Variants in PLXNB1 observed in about 807,000 individuals in gnomAD.
The protein encoded by PLXNB1 is plexin-B1.
PLXNB1 carries 106 observed loss-of-function variants against 209.4 expected under a neutral mutation model. The observed-to-expected ratio is 0.51, with a 90% CI of 0.43 to 0.59. PLXNB1 has a LOEUF of 0.59. PLXNB1 is among the 20% of genes least tolerant of loss of function. The pLI is 0.00. For missense variants in PLXNB1, 2,357 were observed against 2,853.2 expected (o/e 0.83, Z 3.96); for synonymous variants, 1,167 against 1,183.2 (o/e 0.99, Z 0.28).
In PLXNB1 at chr3:48,424,520, T is replaced by C. The variant is rs559719918; in HGVS notation, c.92A>G (p.Asn31Ser). 15 of 1,599,092 alleles carry C rather than the reference T, an allele frequency of 9.4e-6. No individual in the cohort carries two copies. The highest frequency in any genetic ancestry group is 9.0e-5 in the South Asian group (8 of 88,548). ...TGCCAGGTGCTGCAGATACGTGCCA[T>C]TGGGAGTGAATGCAGTTGGTGGAAG... ...QPLPPTAFTP[N>S]GTYLQHLARD... The change falls in exon 3 of 38, where the codon AAT becomes AGT. Residue 31 changes from asparagine (N) to serine (S), a missense_variant. Asn to Ser is a conservative substitution (Grantham distance 46). Around this residue, in one of 7 missense-constraint regions of PLXNB1, gnomAD observed 107 missense variants for 167.2 expected, o/e 0.64. Coordinates refer to ENST00000296440, the MANE Select transcript of PLXNB1 (RefSeq NM_001130082.3).
chr3:48,406,797 A>AGGACT lies in PLXNB1; in HGVS notation c.6228+25_6228+26insAGTCC. On this transcript the variant is annotated intron_variant, in intron 36 of 37. Transcript: ENST00000296440. This position sits in a 1 kb window ranked among gnomAD's most constrained non-coding sequence, Gnocchi z 4.4. ...CGTTGTGGCAGGAGGCCTATGCCCA[A>AGGACT]CCCAAGAAGCAGAGGGAGGCCTTAC... 1.3e-6 allele frequency: 2 copies of AGGACT among 1,577,256 alleles called. No individual in the cohort carries two copies. The highest frequency in any genetic ancestry group is 8.6e-7 in the Non-Finnish European group (1 of 1,161,870).
At position 48,406,656 on chromosome 3, in the gene PLXNB1, T is replaced by C. The variant is rs2037330589; in HGVS notation, c.6228+167A>G. ...TGTGATGAGATGGTGGGAGCCCTGG[T>C]CTTTCAGTGGCAGTTGGAACATTCT... is the stretch of plus-strand genomic sequence containing the variant. On this transcript the variant is annotated intron_variant, in intron 36 of 37. Coordinates refer to ENST00000296440, the MANE Select transcript of PLXNB1 (RefSeq NM_001130082.3). The surrounding 1 kb of genome is among the most constrained non-coding windows in gnomAD (Gnocchi z 4.4). 2 of 1,424,530 alleles carry C rather than the reference T, an allele frequency of 1.4e-6. No individual in the cohort carries two copies. Among genetic ancestry groups the C allele is most frequent in the Non-Finnish European group, 1.8e-6 (2 of 1,091,500 alleles). The allele number at this position is 1,424,530 out of a possible 1,614,324, so 88.2% of individuals were successfully genotyped here.
chr3:48,427,329 T>C (rs1176180781), intron 1 of PLXNB1, among the ~76,000 whole-genome samples: 4 of 152,164 alleles, frequency 2.6e-5, no homozygotes. Flanking sequence ...GCAGTCTCCC[T>C]GTGAATCAGG....
intron 1 of PLXNB1, among the ~76,000 whole-genome samples, chr3:48,427,546 T>C (rs2107034264): frequency 6.6e-6 from 1 of 151,408 alleles, no homozygotes; most frequent in Admixed American, 6.6e-5. Flanking sequence ...AGTACACCCC[T>C]CCCCCAAGAG....
rs1052017736 is a variant in PLXNB1, at chr3:48,422,638, G to A, written c.1290+127C>T. 4.0e-6 allele frequency: 5 copies of A among 1,244,252 alleles called. No homozygotes were observed. In the African/African-American group the frequency reaches 6.0e-5, roughly 15 times the overall value. 77.1% of individuals were successfully genotyped at this position (1,244,252 alleles called of 1,614,324 possible). A position where few individuals can be genotyped will look rare whatever the true frequency, so the allele number is the denominator to read the frequency against. ...TCACAGGTAAACACCACCCAGTCCT[G>A]GGGAGAGGAGCTCAGGTCATCTCTC... On this transcript the variant is annotated intron_variant, in intron 4 of 37. Coordinates refer to ENST00000296440, the MANE Select transcript of PLXNB1 (RefSeq NM_001130082.3).
In PLXNB1 at chr3:48,415,100, T is replaced by C. The variant is rs745958152; in HGVS notation, c.3967-59A>G. 106 of 1,606,952 alleles carry C rather than the reference T, an allele frequency of 6.6e-5. No homozygotes were observed. The Middle Eastern group carries it at 8.3e-4, about 13-fold the overall frequency. ...AAGCAAAGATGGGAAGAGCCTCCTC[T>C]GGCACCTGCTCTGGCTGTCCCCAGG... On this transcript the variant is annotated intron_variant, in intron 20 of 37. Coordinates refer to ENST00000296440, the MANE Select transcript of PLXNB1 (RefSeq NM_001130082.3). This position sits in a 1 kb window ranked among gnomAD's most constrained non-coding sequence, Gnocchi z 5.0.
At position 48,405,883 on chromosome 3, in the gene PLXNB1, G is replaced by T; in HGVS notation, c.6229-85C>A. On this transcript the variant is annotated intron_variant, in intron 36 of 37. Transcript: ENST00000296440. This position sits in a 1 kb window ranked among gnomAD's most constrained non-coding sequence, Gnocchi z 5.0. ...CAGCCCAGGACCCCAGGGAAGGGCTGGGGGAGAAGGGGACCTGAGAGGTAG... is the reference window on the plus strand; with the variant it reads ...CAGCCCAGGACCCCAGGGAAGGGCTTGGGGAGAAGGGGACCTGAGAGGTAG... 3.0e-6 allele frequency: 3 copies of T among 1,015,878 alleles called. No homozygotes were observed. Among genetic ancestry groups the T allele is most frequent in the Non-Finnish European group, 4.6e-6 (3 of 654,734 alleles). 62.9% of individuals were successfully genotyped at this position (1,015,878 alleles called of 1,614,324 possible).
At position 48,423,792 on chromosome 3, in the gene PLXNB1, C is replaced by T. The variant is rs1446885932; in HGVS notation, c.820G>A (p.Gly274Arg). 1.2e-6 allele frequency: 2 copies of T among 1,614,016 alleles called. No homozygotes were observed. Among genetic ancestry groups the T allele is most frequent in the East Asian group, 2.2e-5 (1 of 44,882 alleles). ...GCCACAGCTGCAGCCTGGATCAGCC[C>T]GTAGCGGCCACCTTCGCAGGCCAGA... Reference protein sequence around the residue: ...LPLACEGGRYGLIQAAAVATS... With the variant: ...LPLACEGGRYRLIQAAAVATS... Residue 274 changes from glycine to arginine, a missense_variant, in exon 3 of 38, where the codon GGG (glycine) becomes AGG (arginine). Around this residue, in one of 7 missense-constraint regions of PLXNB1, gnomAD observed 404 missense variants for 443.6 expected, o/e 0.91. Transcript: ENST00000296440.
Position 48,411,168 on chromosome 3 carries a change from G to T in PLXNB1, c.5248-132C>A, listed in dbSNP as rs539161824. On this transcript the variant is annotated intron_variant, in intron 28 of 37. Transcript: ENST00000296440. This position sits in a 1 kb window ranked among gnomAD's most constrained non-coding sequence, Gnocchi z 4.0. ...ACGCACCACACAATCCCTAATTCTC[G>T]TCTCTTCACCTGCCTGCCTTCCCCA... The T allele has an allele frequency of 1.1e-5, 8 of 745,722 alleles. No homozygotes were observed. Among genetic ancestry groups the T allele is most frequent in the Non-Finnish European group, 1.7e-5 (8 of 470,926 alleles). 46.2% of individuals were successfully genotyped at this position (745,722 alleles called of 1,614,324 possible).
rs765797782 is a variant in PLXNB1, at chr3:48,419,612, C to T, written c.2674G>A (p.Asp892Asn). ...AGCCCGGGGGTGTCATACTGGTAGT[C>T]GAGGCTGGACGGGAGGATGAGGGGG... is the stretch of plus-strand genomic sequence containing the variant. ...PAPLILPSSL[D>N]YQYDTPGLWE... The change falls in exon 11 of 38, where the codon GAC (aspartate) becomes AAC (asparagine). Residue 892 changes from aspartate to asparagine, a missense_variant. Asp to Asn is a conservative substitution (Grantham distance 23). This residue lies in a region of PLXNB1 where 410 missense variants were observed against 401.0 expected (regional missense o/e 1.02). Transcript: ENST00000296440. This position sits in a 1 kb window ranked among gnomAD's most constrained non-coding sequence, Gnocchi z 5.7. 4.3e-6 allele frequency: 7 copies of T among 1,611,786 alleles called. No individual in the cohort carries two copies. Among genetic ancestry groups the T allele is most frequent in the South Asian group, 3.3e-5 (3 of 91,036 alleles).
Position 48,424,176 on chromosome 3 carries a change from T to G in PLXNB1, c.436A>C (p.Asn146His). The change falls in exon 3 of 38, where the codon AAT (asparagine) becomes CAT (histidine). Residue 146 changes from asparagine to histidine, a missense_variant. Asn to His is a moderately conservative substitution (Grantham distance 68, BLOSUM62 1). Transcript: ENST00000296440. ...RPGDTQYVAA[N>H]DPAVSTVGLV... is the part of the protein sequence containing the mutation. ...CCCACCGTGCTGACCGCAGGATCAT[T>G]GGCAGCCACATATTGTGTGTCCCCA... 1.3e-6 allele frequency: 2 copies of G among 1,584,736 alleles called. No individual in the cohort carries two copies. Among genetic ancestry groups the G allele is most frequent in the Non-Finnish European group, 1.7e-6 (2 of 1,164,528 alleles).
chr3:48,416,477 G>T lies in PLXNB1; in HGVS notation c.3375-26C>A. Reference sequence around the variant, plus strand: ...CTGTAGGCACAGGGCAGGCTAGGGGGTGCCAGGCTGCATCAAGGGCCCCTC... The same window carrying T: ...CTGTAGGCACAGGGCAGGCTAGGGGTTGCCAGGCTGCATCAAGGGCCCCTC... On this transcript the variant is annotated intron_variant, in intron 16 of 37. Transcript: ENST00000296440. The surrounding 1 kb of genome is among the most constrained non-coding windows in gnomAD (Gnocchi z 4.1). 1 of 1,527,810 alleles carries T rather than the reference G, an allele frequency of 6.5e-7. No individual in the cohort carries two copies. Among genetic ancestry groups the T allele is most frequent in the South Asian group, 1.2e-5 (1 of 86,858 alleles). 94.6% of individuals were successfully genotyped at this position (1,527,810 alleles called of 1,614,324 possible).
chr3:48,421,022 T>A (rs1209900478), intron 8 of PLXNB1, 66 bp from the exon 9 acceptor site: 2 of 1,408,408 alleles, frequency 1.4e-6, no homozygotes, highest in Non-Finnish European at 2.0e-6. Flanking sequence ...AGAGCCGATA[T>A]CCTGAGCCCT....
Position 48,418,368 on chromosome 3 carries a change from G to A in PLXNB1, c.3050-5C>T. 6.2e-7 allele frequency: 1 copy of A among 1,613,658 alleles called. No individual in the cohort carries two copies. Among genetic ancestry groups the A allele is most frequent in the Non-Finnish European group, 8.5e-7 (1 of 1,180,012 alleles). Reference sequence around the variant, plus strand: ...CGGAACAGTCATACAGTACCACTGGGGGTGGCAGAGACACACGTGAGAGGC... The same window carrying A: ...CGGAACAGTCATACAGTACCACTGGAGGTGGCAGAGACACACGTGAGAGGC... On this transcript the variant is annotated splice_polypyrimidine_tract_variant and splice_region_variant and intron_variant, in intron 14 of 37. Coordinates refer to ENST00000296440, the MANE Select transcript of PLXNB1 (RefSeq NM_001130082.3). This position sits in a 1 kb window ranked among gnomAD's most constrained non-coding sequence, Gnocchi z 6.6.
chr3:48,412,998 C>G (rs1215549231), intron 24 of PLXNB1, 39 bp from the exon 25 acceptor site: 2 of 1,608,320 alleles, frequency 1.2e-6, no homozygotes, highest in South Asian at 1.1e-5. Flanking sequence ...ACCTGTTAAG[C>G]ACCAATCCCG....
At position 48,410,232 on chromosome 3, in the gene PLXNB1, C is replaced by A. The variant is rs2037582648; in HGVS notation, c.5605+64G>T. 3 of 1,489,130 alleles carry A rather than the reference C, an allele frequency of 2.0e-6. No homozygotes were observed. The highest frequency in any genetic ancestry group is 2.7e-6 in the Non-Finnish European group (3 of 1,092,472). The allele number at this position is 1,489,130 out of a possible 1,614,324, so 92.2% of individuals were successfully genotyped here. On this transcript the variant is annotated intron_variant, in intron 31 of 37. Coordinates refer to ENST00000296440, the MANE Select transcript of PLXNB1 (RefSeq NM_001130082.3). The surrounding 1 kb of genome is among the most constrained non-coding windows in gnomAD (Gnocchi z 6.4). ...CAAGCCTGCCCTGAGGCCCAGAGGA[C>A]CTTCCCCATGACTCCGGGCTGGGCA...
In PLXNB1 at chr3:48,415,234, C is replaced by T. The variant is rs2037998704; in HGVS notation, c.3908G>A (p.Arg1303Lys). ...MLQPSQGLGRRRRVVPETACS... is the reference protein window; with the variant it reads ...MLQPSQGLGRKRRVVPETACS... ...TGCCGTCTCCGGGACCACGCGACGCCTCCGTCCAAGCCCCTGGCTGGGCTG... is the reference window on the plus strand; with the variant it reads ...TGCCGTCTCCGGGACCACGCGACGCTTCCGTCCAAGCCCCTGGCTGGGCTG... The change falls in exon 20 of 38, where the codon AGG (arginine) becomes AAG (lysine). Residue 1303 changes from arginine to lysine, a missense_variant. Transcript: ENST00000296440. The surrounding 1 kb of genome is among the most constrained non-coding windows in gnomAD (Gnocchi z 5.0). The T allele has an allele frequency of 1.2e-6, 2 of 1,613,482 alleles. No homozygotes were observed. The highest frequency in any genetic ancestry group is 1.7e-6 in the Non-Finnish European group (2 of 1,180,026).
Position 48,410,587 on chromosome 3 carries a change from G to C in PLXNB1, c.5417-29C>G. 6.3e-7 allele frequency: 1 copy of C among 1,575,964 alleles called. No homozygotes were observed. The highest frequency in any genetic ancestry group is 8.7e-7 in the Non-Finnish European group (1 of 1,146,658). On this transcript the variant is annotated intron_variant, in intron 29 of 37. Transcript: ENST00000296440. This position sits in a 1 kb window ranked among gnomAD's most constrained non-coding sequence, Gnocchi z 6.4. Reference sequence around the variant, plus strand: ...CAAGGGCAAGGCAGAACTGGGTGCAGGGCTGGAAGATACCCTTCCCATAGT... The same window carrying C: ...CAAGGGCAAGGCAGAACTGGGTGCACGGCTGGAAGATACCCTTCCCATAGT...
rs2037290019 is a variant in PLXNB1 at position 48,405,863 on chromosome 3, C to T, written c.6229-65G>A. The T allele has an allele frequency of 1.5e-6, 2 of 1,323,710 alleles. No homozygotes were observed. Among genetic ancestry groups the T allele is most frequent in the African/African-American group, 2.9e-5 (2 of 69,582 alleles). 82.0% of individuals were successfully genotyped at this position (1,323,710 alleles called of 1,614,324 possible). A position where few individuals can be genotyped will look rare whatever the true frequency, so the allele number is the denominator to read the frequency against. The stretch of plus-strand genomic sequence containing the variant: ...GTGCAGAGAGCCACAGGAGGCAGCC[C>T]AGGACCCCAGGGAAGGGCTGGGGGA... On this transcript the variant is annotated intron_variant, in intron 36 of 37. Coordinates refer to ENST00000296440, the MANE Select transcript of PLXNB1 (RefSeq NM_001130082.3). This position sits in a 1 kb window ranked among gnomAD's most constrained non-coding sequence, Gnocchi z 5.0.
Sources: gnomAD v4.1 joint callset for allele counts (sites outside exome capture counted in the v4.1 genomes callset) on GRCh38, gnomAD v4.1.1 for gene constraint, gnomAD v4.1.1 regional missense constraint, Gnocchi (gnomAD v3.1) non-coding constraint, MANE v1.5 for transcripts, NCBI Gene and HGNC (gene_info 2026-07-23, HGNC 2026-07-21) for gene names.